CERS3: variants seen among roughly 807,000 people sequenced by gnomAD.
The protein encoded by CERS3 is ceramide synthase 3.
A neutral mutation model predicts 50.3 loss-of-function variants in CERS3; 33 were observed. The observed-to-expected ratio is 0.66, with a 90% CI of 0.50 to 0.88. The LOEUF is 0.88. CERS3 is among the 40% of genes least tolerant of loss of function. The pLI, the probability that CERS3 is intolerant of heterozygous loss-of-function variation, is 0.00. For synonymous variants in CERS3, 176 were observed against 155.2 expected (o/e 1.13, Z -0.99); for missense variants, 470 against 460.3 (o/e 1.02, Z -0.19).
intron 11 of CERS3, among the ~76,000 whole-genome samples, chr15:100,444,964 G>T (rs1224273961): frequency 2.0e-5 from 3 of 152,050 alleles, no homozygotes; most frequent in Non-Finnish European, 4.4e-5. Context: ...TTAGTATTCA[G>T]TGAAACCTTT....
In CERS3 at chr15:100,467,850, T is replaced by TATATAGATAGATAG. The variant is rs145899470; in HGVS notation, c.845+1527_845+1528insCTATCTATCTATAT. On this transcript the variant is annotated intron_variant, in intron 10 of 11. Coordinates refer to ENST00000679737, the MANE Select transcript of CERS3 (RefSeq NM_001378789.1). ...ATATATATACGTGTATATATATATA[T>TATATAGATAGATAG]ATAGATAGATAGATAGATAGATAGA... Among the ~76,000 whole-genome samples, 269 of 93,130 alleles carry TATATAGATAGATAG rather than the reference T, an allele frequency of 2.9e-3. 4 individuals are homozygous for TATATAGATAGATAG. Among genetic ancestry groups the TATATAGATAGATAG allele is most frequent in the African/African-American group, 6.6e-3 (178 of 26,812 alleles). 61.1% of individuals were successfully genotyped at this position (93,130 alleles called of 152,430 possible).
chr15:100,487,639 AAGG>A (rs1236629036), intron 4 of CERS3, among the ~76,000 whole-genome samples: 2 of 152,190 alleles, frequency 1.3e-5, no homozygotes, highest in Non-Finnish European at 2.9e-5. Context: ...GAATGGCCTA[AAGG>A]AGGAGTGCTG....
chr15:100,417,426 G>T (rs2032018453), intron 11 of CERS3, among the ~76,000 whole-genome samples: 1 of 152,082 alleles, frequency 6.6e-6, no homozygotes, highest in Non-Finnish European at 1.5e-5. Context: ...GGCTCTGAGG[G>T]TCCTACCCCA....
At chr15:100,497,574 A>G (rs1266135602) in intron 3 of CERS3, among the ~76,000 whole-genome samples, 1 of 151,994 alleles carries the variant, frequency 6.6e-6, no homozygotes, top group Non-Finnish European at 1.5e-5. Flanking sequence ...TAGGAGGGGA[A>G]AGCAAAATAG....
Position 100,467,890 on chromosome 15 carries a change from G to T in CERS3, c.845+1488C>A, listed in dbSNP as rs373483707. 2.1e-4 allele frequency among the ~76,000 whole-genome samples: 9 copies of T among 42,970 alleles called. 2 individuals are homozygous for T. Among genetic ancestry groups the T allele is most frequent in the Non-Finnish European group, 6.4e-4 (9 of 13,976 alleles). 28.2% of individuals were successfully genotyped at this position (42,970 alleles called of 152,430 possible). A position where few individuals can be genotyped will look rare whatever the true frequency, so the allele number is the denominator to read the frequency against. Reference sequence around the variant, plus strand: ...AGATAGATAGATAGATATAGATATAGATATAGATATATTTAAAGACAGGGT... The same window carrying T: ...AGATAGATAGATAGATATAGATATATATATAGATATATTTAAAGACAGGGT... On this transcript the variant is annotated intron_variant, in intron 10 of 11. Transcript: ENST00000679737.
intron 3 of CERS3, among the ~76,000 whole-genome samples, chr15:100,500,041 A>G (rs1350028131): frequency 6.6e-6 from 1 of 152,212 alleles, no homozygotes; most frequent in Non-Finnish European, 1.5e-5. Flanking sequence ...AATATAAGGT[A>G]TAAGTGATAT....
chr15:100,515,972 G>A (rs1185093735), intron 2 of CERS3, among the ~76,000 whole-genome samples: 1 of 152,180 alleles, frequency 6.6e-6, no homozygotes, highest in East Asian at 1.9e-4. Flanking sequence ...CCTGTTATTA[G>A]TGTCGGGCAC....
intron 11 of CERS3, among the ~76,000 whole-genome samples, chr15:100,416,819 G>A (rs12437517): frequency 0.57 from 86,573 of 151,990 alleles, 24,903 homozygotes; most frequent in Non-Finnish European, 0.6. Flanking sequence ...CACAGAGCCA[G>A]GATGAATCTG....
intron 11 of CERS3, chr15:100,437,916 A>C (rs1484351625): frequency 2.0e-5 from 3 of 152,218 alleles, no homozygotes; most frequent in African/African-American, 7.2e-5. Flanking sequence ...TGTGAGATTA[A>C]AAAAAGAAGA....
At position 100,543,969 on chromosome 15, in the gene CERS3, T is replaced by G. The variant is rs577395901; in HGVS notation, c.-355+682A>C. On this transcript the variant is annotated intron_variant, in intron 1 of 12. Transcript: ENST00000284382. ...TGATACAGGGCTAATAACTGCTACC[T>G]GGGAAAAACAAAGCACACCGCAGGA... Among the ~76,000 whole-genome samples, 9 of 151,266 alleles carry G rather than the reference T, an allele frequency of 5.9e-5. No individual in the cohort carries two copies. The South Asian group carries it at 1.9e-3, about 32-fold the overall frequency.
intron 11 of CERS3, among the ~76,000 whole-genome samples, chr15:100,403,803 A>G (rs1210374589): frequency 1.3e-5 from 2 of 152,234 alleles, no homozygotes; most frequent in Admixed American, 6.5e-5. Flanking sequence ...GGTAAATTCT[A>G]TGAAACACAC....
intron 9 of CERS3, among the ~76,000 whole-genome samples, chr15:100,469,932 T>C (rs12916756): frequency 0.43 from 64,895 of 151,422 alleles, 14,548 homozygotes; most frequent in Middle Eastern, 0.52. Context: ...AAGGAGGCTA[T>C]TTCAAGGCAG....
intron 11 of CERS3, among the ~76,000 whole-genome samples, chr15:100,423,339 T>C (rs1456010281): frequency 1.3e-5 from 2 of 152,168 alleles, no homozygotes; most frequent in Non-Finnish European, 2.9e-5. Flanking sequence ...CATAGCACTA[T>C]TCACAATAGC....
chr15:100,471,317 T>C (rs1015296945), intron 9 of CERS3, among the ~76,000 whole-genome samples: 1 of 152,126 alleles, frequency 6.6e-6, no homozygotes, highest in African/African-American at 2.4e-5. Flanking sequence ...AATGGACAGA[T>C]ATGAATTCTC....
intron 11 of CERS3, among the ~76,000 whole-genome samples, chr15:100,430,139 T>C (rs1001009569): frequency 1.6e-4 from 25 of 151,918 alleles, no homozygotes; most frequent in South Asian, 4.2e-4. Flanking sequence ...GGTGGAACCC[T>C]GTCTCTACTA....
chr15:100,495,788 GCATAT>G (rs1187277977), intron 3 of CERS3, among the ~76,000 whole-genome samples: 2 of 151,832 alleles, frequency 1.3e-5, no homozygotes, highest in Non-Finnish European at 2.9e-5. Context: ...AAGGTATTTT[GCATAT>G]CATATAATTC....
chr15:100,467,850 T>G (rs200806586), intron 10 of CERS3, among the ~76,000 whole-genome samples: 2,670 of 93,122 alleles, frequency 0.029, 121 homozygotes, highest in African/African-American at 0.078. Flanking sequence ...TATATATATA[T>G]ATAGATAGAT....
rs143927586 is a variant in CERS3, at chr15:100,405,041, C to T, written c.1000-2176G>A. On this transcript the variant is annotated intron_variant, in intron 11 of 11. Transcript: ENST00000679737. The stretch of plus-strand genomic sequence containing the variant: ...AAACCCATGACCTTGATCTGGGCAA[C>T]GAGTTCTTAAACACGGCACTAAAAA... Among the ~76,000 whole-genome samples, 16 of 152,032 alleles carry T rather than the reference C, an allele frequency of 1.1e-4. 1 individual carries two copies. The East Asian group carries it at 2.3e-3, about 22-fold the overall frequency.
At chr15:100,443,678 T>C (rs2033806211) in intron 11 of CERS3, among the ~76,000 whole-genome samples, 1 of 139,420 alleles carries the variant, frequency 7.2e-6, no homozygotes, top group Non-Finnish European at 1.6e-5. Context: ...CAGCCCCCAT[T>C]ACTTTAGTCA....
Sources: gnomAD v4.1 joint callset for allele counts (sites outside exome capture counted in the v4.1 genomes callset) on GRCh38, gnomAD v4.1.1 for gene constraint, MANE v1.5 for transcripts, NCBI Gene and HGNC (gene_info 2026-07-23, HGNC 2026-07-21) for gene names.